TNFRSF21: variants seen among roughly 807,000 people sequenced by gnomAD.
TNFRSF21 encodes the protein tumor necrosis factor receptor superfamily member 21.
TNFRSF21 carries 19 observed loss-of-function variants against 45.6 expected under a neutral mutation model. The observed-to-expected ratio is 0.42, with a 90% CI of 0.29 to 0.61. The LOEUF (loss-of-function observed/expected upper bound fraction) is 0.61. Ranked by LOEUF, TNFRSF21 falls within the 20% of genes least tolerant of loss-of-function variation. The pLI, the probability that TNFRSF21 is intolerant of heterozygous loss-of-function variation, is 0.23. For synonymous variants in TNFRSF21, 314 were observed against 335.5 expected, an observed-to-expected ratio of 0.94 and a Z score of 0.70; for missense variants, 737 against 851.5, an observed-to-expected ratio of 0.87 and a Z score of 1.67.
rs9473048 is a variant in TNFRSF21 at position 47,268,334 on chromosome 6, T to C, written c.1244-14813A>G. Among the ~76,000 whole-genome samples the C allele has an allele frequency of 4.2e-3, 647 of 152,312 alleles. 3 individuals carry two copies. The highest frequency in any genetic ancestry group is 0.015 in the African/African-American group (622 of 41,564). On this transcript the variant is annotated intron_variant, in intron 3 of 5. Transcript: ENST00000296861. ...TAAGCATTCAGTAAACAGGAAGTAT[T>C]ACTTCTCTCCCTTCCCTCACCAATA... is the stretch of plus-strand genomic sequence containing the variant.
intron 3 of TNFRSF21, among the ~76,000 whole-genome samples, chr6:47,259,051 A>C (rs1164595977): frequency 6.6e-6 from 1 of 152,264 alleles, no homozygotes; most frequent in African/African-American, 2.4e-5. Context: ...CAAATAGCAT[A>C]AAGATTTAGA....
chr6:47,257,412 T>C (rs1765003791), intron 3 of TNFRSF21, among the ~76,000 whole-genome samples: 1 of 152,180 alleles, frequency 6.6e-6, no homozygotes, highest in Non-Finnish European at 1.5e-5. Flanking sequence ...TTCACTGCTG[T>C]CCTCTCCCAC....
At chr6:47,266,870 G>A (rs890364648) in intron 3 of TNFRSF21, among the ~76,000 whole-genome samples, 1 of 152,012 alleles carries the variant, frequency 6.6e-6, no homozygotes, top group African/African-American at 2.4e-5. Flanking sequence ...CTTCCCTCCC[G>A]AGCCAAAGTT....
At chr6:47,263,744 T>C (rs1404920948) in intron 3 of TNFRSF21, among the ~76,000 whole-genome samples, 1 of 152,248 alleles carries the variant, frequency 6.6e-6, no homozygotes, top group Admixed American at 6.5e-5. Context: ...AAGATCACCA[T>C]ATTTACTAAT....
At chr6:47,307,638 C>G (rs1439831348) in intron 1 of TNFRSF21, among the ~76,000 whole-genome samples, 1 of 152,262 alleles carries the variant, frequency 6.6e-6, no homozygotes, top group Non-Finnish European at 1.5e-5. Flanking sequence ...CCGCCCAAAA[C>G]GCTGGGATTA....
At chr6:47,252,702 A>G (rs539022235) in intron 4 of TNFRSF21, among the ~76,000 whole-genome samples, 127 of 152,254 alleles carry the variant, frequency 8.3e-4, no homozygotes, top group African/African-American at 3.0e-3. Context: ...TATTAGCTAT[A>G]AAGAAATCAC....
intron 1 of TNFRSF21, among the ~76,000 whole-genome samples, chr6:47,307,622 C>T (rs1762958049): frequency 6.6e-6 from 1 of 152,196 alleles, no homozygotes; most frequent in South Asian, 2.1e-4. Context: ...AATCCTCCCA[C>T]CCTGGCCGCC....
At position 47,234,364 on chromosome 6, in the gene TNFRSF21, C is replaced by T. The variant is rs200320942; in HGVS notation, c.1738+306G>A. Among the ~76,000 whole-genome samples, 7 of 152,310 alleles carry T rather than the reference C, an allele frequency of 4.6e-5. No homozygotes were observed. The East Asian group carries it at 1.3e-3, about 29-fold the overall frequency. ...TGGTAAATAATTTTCAAAAATCTTG[C>T]CAGACTACATTTTATCAGGCCTTCC... is the stretch of plus-strand genomic sequence containing the variant. On this transcript the variant is annotated intron_variant, in intron 5 of 5. Coordinates refer to ENST00000296861, the MANE Select transcript of TNFRSF21 (RefSeq NM_014452.5).
chr6:47,283,901 G>C, intron 3 of TNFRSF21, 37 bp downstream of exon 3: 1 of 1,585,100 alleles, frequency 6.3e-7, no homozygotes, highest in Non-Finnish European at 8.6e-7. Context: ...AAGTGGTAGA[G>C]AGATCTGTGA....
intron 4 of TNFRSF21, among the ~76,000 whole-genome samples, chr6:47,236,504 G>A (rs1162222024): frequency 6.6e-6 from 1 of 152,190 alleles, no homozygotes; most frequent in Non-Finnish European, 1.5e-5. Flanking sequence ...CAAATTTTAA[G>A]GCCTGAGAAA....
chr6:47,309,905 T>C lies in TNFRSF21; in HGVS notation c.-394A>G, dbSNP rs889693281. The C allele has an allele frequency of 6.0e-6, 1 of 165,878 alleles. No individual in the cohort carries two copies. The highest frequency in any genetic ancestry group is 2.4e-5 in the African/African-American group (1 of 42,146). The allele number at this position is 165,878 out of a possible 1,614,324, so 10.3% of individuals were successfully genotyped here. On this transcript the variant is annotated 5_prime_UTR_variant, in exon 1 of 6. Transcript: ENST00000296861. ...CTGCCCAGACTGGTCGGCGAGGGACTGAGTCGGTGGCCACCGGGCGCAGGG... is the reference window on the plus strand; with the variant it reads ...CTGCCCAGACTGGTCGGCGAGGGACCGAGTCGGTGGCCACCGGGCGCAGGG...
intron 3 of TNFRSF21, among the ~76,000 whole-genome samples, chr6:47,270,849 C>T (rs1272885328): frequency 6.6e-6 from 1 of 152,130 alleles, no homozygotes; most frequent in Non-Finnish European, 1.5e-5. Context: ...AAAACCATGG[C>T]ACGAGAACTT....
intron 4 of TNFRSF21, among the ~76,000 whole-genome samples, chr6:47,236,698 C>G (rs1211701311): frequency 6.6e-6 from 1 of 152,228 alleles, no homozygotes; most frequent in Non-Finnish European, 1.5e-5. Context: ...TACGTATATG[C>G]TTGTAAAATG....
chr6:47,277,934 A>C (rs1762521135), intron 3 of TNFRSF21, among the ~76,000 whole-genome samples: 1 of 152,176 alleles, frequency 6.6e-6, no homozygotes, highest in Non-Finnish European at 1.5e-5. Context: ...AACGCCACGC[A>C]CAAGGTTAAT....
intron 1 of TNFRSF21, among the ~76,000 whole-genome samples, chr6:47,297,918 A>T (rs1174889851): frequency 6.6e-6 from 1 of 152,182 alleles, no homozygotes; most frequent in Non-Finnish European, 1.5e-5. Context: ...ATAATCCTGA[A>T]ACAAACCATC....
intron 3 of TNFRSF21, among the ~76,000 whole-genome samples, chr6:47,261,558 T>A (rs993685622): frequency 6.6e-6 from 1 of 152,182 alleles, no homozygotes; most frequent in East Asian, 1.9e-4. Flanking sequence ...TCTATAATAA[T>A]GAGAAGAAAG....
chr6:47,263,842 G>A (rs1762285643), intron 3 of TNFRSF21, among the ~76,000 whole-genome samples: 2 of 152,216 alleles, frequency 1.3e-5, no homozygotes, highest in Admixed American at 1.3e-4. Context: ...GTATATAAAA[G>A]AGTGGTATGT....
At chr6:47,295,286 A>T (rs1199247194) in intron 1 of TNFRSF21, among the ~76,000 whole-genome samples, 1 of 152,224 alleles carries the variant, frequency 6.6e-6, no homozygotes, top group Non-Finnish European at 1.5e-5. Flanking sequence ...ATTCCTTAAC[A>T]ATTCTTACTC....
intron 4 of TNFRSF21, among the ~76,000 whole-genome samples, chr6:47,238,067 A>G (rs1561937225): frequency 1.3e-5 from 2 of 152,320 alleles, no homozygotes; most frequent in African/African-American, 4.8e-5. Context: ...AAGAAAGAAA[A>G]AAAGATATAT....
Sources: allele counts gnomAD v4.1 joint callset (sites outside exome capture counted in the v4.1 genomes callset), GRCh38; gene constraint gnomAD v4.1.1; transcripts MANE v1.5; gene names NCBI Gene and HGNC (gene_info 2026-07-23, HGNC 2026-07-21).